PLA2G4C: variants seen among roughly 807,000 people sequenced by gnomAD.
PLA2G4C encodes the protein phospholipase A2 group IVC, also known as cytosolic phospholipase A2 gamma.
Under a neutral mutation model 73.8 loss-of-function variants are expected in PLA2G4C, and 64 were observed. The ratio of observed to expected loss-of-function variants is 0.87; its 90% CI spans 0.71 to 1.07. The LOEUF is 1.07. PLA2G4C is among the 50% of genes least tolerant of loss of function. The probability of loss-of-function intolerance (pLI) is 0.00; values close to 1 mark genes in which losing one functional copy is unlikely to be tolerated. For synonymous variants in PLA2G4C, 254 were observed against 252.1 expected (o/e 1.01, Z -0.07); for missense variants, 622 against 665.4 (o/e 0.93, Z 0.72).
chr19:48,101,674 CTTTTT>C (rs71181648), intron 4 of PLA2G4C, among the ~76,000 whole-genome samples: 2 of 131,828 alleles, frequency 1.5e-5, no homozygotes, highest in Non-Finnish European at 1.6e-5. Flanking sequence ...CCTTTAATAT[CTTTTT>C]TTTTTTTTTT....
intron 4 of PLA2G4C, among the ~76,000 whole-genome samples, chr19:48,100,386 G>T (rs766730552): frequency 2.0e-5 from 3 of 151,478 alleles, no homozygotes; most frequent in Non-Finnish European, 4.4e-5. Context: ...AGGCGTGGTG[G>T]CATGCGTGGT....
chr19:48,057,480 C>CTTTTTGTTTTTTTTTTTTTTTTTTTT (rs1260409498), intron 14 of PLA2G4C, among the ~76,000 whole-genome samples: 1 of 28,084 alleles, frequency 3.6e-5, no homozygotes, highest in Non-Finnish European at 6.6e-5. Context: ...TCTTCTTCTT[C>CTTTTTGTTTTTTTTTTTTTTTTTTTT]TTCTTTTTTT....
At chr19:48,094,144 C>A (rs2031452994) in intron 7 of PLA2G4C, among the ~76,000 whole-genome samples, 1 of 152,180 alleles carries the variant, frequency 6.6e-6, no homozygotes, top group Non-Finnish European at 1.5e-5. Flanking sequence ...AAGATATCTG[C>A]ATGGCTTCAC....
intron 9 of PLA2G4C, among the ~76,000 whole-genome samples, chr19:48,085,492 C>A (rs1333920071): frequency 2.0e-5 from 3 of 152,136 alleles, no homozygotes; most frequent in African/African-American, 7.2e-5. Context: ...CTGGCCCATG[C>A]AGATTTATGG....
rs760847598 is a variant in PLA2G4C at position 48,054,979 on chromosome 19, A to G, written c.1328T>C (p.Leu443Pro). Reference protein sequence around the residue: ...IPFPQVEEAELDLWSKAPASC... With the variant: ...IPFPQVEEAEPDLWSKAPASC... ...GGCGGGGGCCTTGGACCACAAATCC[A>G]GCTCAGCCTCTTCTACTTGGGGAAA... The change falls in exon 15 of 17, where the codon CTG (leucine) becomes CCG (proline). Residue 443 changes from leucine (L) to proline (P), a missense_variant. Leu to Pro is a moderately conservative substitution (Grantham distance 98). Coordinates refer to ENST00000599921, the MANE Select transcript of PLA2G4C (RefSeq NM_003706.3). 1 of 1,613,698 alleles carries G rather than the reference A, an allele frequency of 6.2e-7. No individual in the cohort carries two copies. Among genetic ancestry groups the G allele is most frequent in the Non-Finnish European group, 8.5e-7 (1 of 1,179,960 alleles).
In PLA2G4C at chr19:48,099,898, A is replaced by G. The variant is rs897959807; in HGVS notation, c.258-38T>C. 6.2e-6 allele frequency: 9 copies of G among 1,449,404 alleles called. No homozygotes were observed. The African/African-American group carries it at 9.8e-5, about 16-fold the overall frequency. 89.8% of individuals were successfully genotyped at this position (1,449,404 alleles called of 1,614,324 possible). A position where few individuals can be genotyped will look rare whatever the true frequency, so the allele number is the denominator to read the frequency against. The stretch of plus-strand genomic sequence containing the variant: ...GGAAGAGAGTGAGTTGGGCATTTTA[A>G]GTGTGGACGATGAAGACTGGGGAAA... On this transcript the variant is annotated intron_variant, in intron 4 of 16. Coordinates refer to ENST00000599921, the MANE Select transcript of PLA2G4C (RefSeq NM_003706.3).
chr19:48,104,149 C>T (rs2032049937), intron 4 of PLA2G4C: 1 of 157,476 alleles, frequency 6.4e-6, no homozygotes, highest in Non-Finnish European at 1.4e-5. Flanking sequence ...AAGCGATCTT[C>T]CTGCCTCAGC....
chr19:48,106,980 GA>G (rs767152604), intron 1 of PLA2G4C, among the ~76,000 whole-genome samples: 5 of 152,064 alleles, frequency 3.3e-5, no homozygotes, highest in Admixed American at 6.6e-5. Context: ...GAGTATCTGG[GA>G]TTACAGGCAT....
At chr19:48,058,822 A>C (rs1192001802) in intron 14 of PLA2G4C, among the ~76,000 whole-genome samples, 1 of 152,058 alleles carries the variant, frequency 6.6e-6, no homozygotes, top group East Asian at 1.9e-4. Context: ...ATCTCAAAAA[A>C]AAAAAAAAGA....
chr19:48,059,027 C>T (rs569226246), intron 14 of PLA2G4C, among the ~76,000 whole-genome samples: 1 of 152,040 alleles, frequency 6.6e-6, no homozygotes, highest in South Asian at 2.1e-4. Flanking sequence ...AATCCCTGCA[C>T]TTTGGGAGGC....
chr19:48,076,342 G>T (rs776120879), intron 11 of PLA2G4C, among the ~76,000 whole-genome samples: 5 of 152,170 alleles, frequency 3.3e-5, no homozygotes, highest in Non-Finnish European at 7.3e-5. Flanking sequence ...TGGAGCTGGT[G>T]CCCAATACTT....
intron 10 of PLA2G4C, among the ~76,000 whole-genome samples, chr19:48,083,191 GCTTTGCTCTAAGTA>G (rs1186829879): frequency 6.6e-6 from 1 of 152,062 alleles, no homozygotes; most frequent in East Asian, 1.9e-4. Context: ...CATGTGTCAA[GCTTTGCTCTAAGTA>G]CTTTACATAC....
intron 13 of PLA2G4C, among the ~76,000 whole-genome samples, chr19:48,066,205 C>T (rs1428557389): frequency 6.6e-6 from 1 of 152,106 alleles, no homozygotes; most frequent in Admixed American, 6.5e-5. Flanking sequence ...GGGACTGAAC[C>T]CATTTTTCAG....
chr19:48,089,585 G>C (rs1040433590), intron 8 of PLA2G4C, among the ~76,000 whole-genome samples: 1 of 152,116 alleles, frequency 6.6e-6, no homozygotes, highest in Non-Finnish European at 1.5e-5. Context: ...CATGTGTCAG[G>C]CTTGGCTCTA....
At chr19:48,058,242 C>T (rs974618393) in intron 14 of PLA2G4C, among the ~76,000 whole-genome samples, 2 of 151,176 alleles carry the variant, frequency 1.3e-5, no homozygotes, top group Non-Finnish European at 2.9e-5. Context: ...GAGGTTGTGG[C>T]AAGCCGATAT....
Position 48,110,741 on chromosome 19 carries a change from G to GA in PLA2G4C, c.-288_-287insT. The GA allele has an allele frequency of 6.1e-6, 2 of 329,648 alleles. No homozygotes were observed. The highest frequency in any genetic ancestry group is 9.9e-6 in the Non-Finnish European group (2 of 201,560). 20.4% of individuals were successfully genotyped at this position (329,648 alleles called of 1,614,324 possible). ...TGGTCCTGAGCAGGGCCAACCTGGA[G>GA]GTAAAATGGCCCCTGCGCCTTTAAA... On this transcript the variant is annotated 5_prime_UTR_variant, in exon 1 of 17. Transcript: ENST00000599921.
At chr19:48,093,385 A>T (rs2031409187) in intron 7 of PLA2G4C, among the ~76,000 whole-genome samples, 1 of 152,042 alleles carries the variant, frequency 6.6e-6, no homozygotes, top group Admixed American at 6.6e-5. Flanking sequence ...TTAAACTGCC[A>T]TTATCTGTCA....
In PLA2G4C at chr19:48,098,205, G is replaced by T; in HGVS notation, c.502C>A (p.Pro168Thr). Residue 168 changes from proline (P) to threonine (T), a missense_variant, in exon 6 of 17, where the codon CCC (proline) becomes ACC (threonine). By Grantham distance (38) the Pro-to-Thr change is conservative. Coordinates refer to ENST00000599921, the MANE Select transcript of PLA2G4C (RefSeq NM_003706.3). ...MKKPVEEGTL[P>T]YPIFAAIDND... ...TCAATGGCTGCAAATATTGGGTAGGGTAGTGTCCCTTCTTCCACGGGCTTC... is the reference window on the plus strand; with the variant it reads ...TCAATGGCTGCAAATATTGGGTAGGTTAGTGTCCCTTCTTCCACGGGCTTC... The T allele has an allele frequency of 6.2e-7, 1 of 1,613,740 alleles. No homozygotes were observed. The highest frequency in any genetic ancestry group is 1.3e-5 in the African/African-American group (1 of 75,014).
At chr19:48,077,462 A>T (rs1204932030) in intron 11 of PLA2G4C, among the ~76,000 whole-genome samples, 2 of 152,176 alleles carry the variant, frequency 1.3e-5, no homozygotes, top group African/African-American at 2.4e-5. Context: ...AACAAATGGA[A>T]ACACATCCCA....
Sources: allele counts gnomAD v4.1 joint callset (sites outside exome capture counted in the v4.1 genomes callset), GRCh38; gene constraint gnomAD v4.1.1; transcripts MANE v1.5; gene names NCBI Gene and HGNC (gene_info 2026-07-23, HGNC 2026-07-21).